CAMTA1: variants seen among roughly 807,000 people sequenced by gnomAD.
The protein encoded by CAMTA1 is calmodulin binding transcription activator 1.
Under a neutral mutation model 170.9 loss-of-function variants are expected in CAMTA1, and 27 were observed. The ratio of observed to expected loss-of-function variants is 0.16; its 90% CI spans 0.12 to 0.22. The LOEUF is 0.22. Among genes scored for constraint, CAMTA1 ranks in the 10% least tolerant of loss-of-function variants. CAMTA1 has a pLI of 1.00. For missense variants in CAMTA1, 1,619 were observed against 2,217.2 expected (o/e 0.73, Z 5.42); for synonymous variants, 833 against 891.5 (o/e 0.93, Z 1.17).
intron 5 of CAMTA1, among the ~76,000 whole-genome samples, chr1:7,283,780 C>A (rs969687652): frequency 2.0e-5 from 3 of 152,202 alleles, no homozygotes; most frequent in Non-Finnish European, 4.4e-5. Context: ...CTATCCATCT[C>A]CTTGGTCATC....
intron 5 of CAMTA1, among the ~76,000 whole-genome samples, chr1:7,423,095 C>A (rs1350868885): frequency 1.3e-5 from 2 of 152,186 alleles, no homozygotes; most frequent in East Asian, 3.9e-4. Context: ...AGTCTCAGGG[C>A]AAAAGAGCCC....
At chr1:7,380,266 G>A (rs773388007) in intron 5 of CAMTA1, among the ~76,000 whole-genome samples, 7 of 152,178 alleles carry the variant, frequency 4.6e-5, no homozygotes, top group Non-Finnish European at 1.0e-4. Flanking sequence ...CTCTCCTCTG[G>A]TATCCCAAGG....
intron 5 of CAMTA1, among the ~76,000 whole-genome samples, chr1:7,420,426 G>A (rs1439235692): frequency 6.6e-6 from 1 of 151,992 alleles, no homozygotes; most frequent in African/African-American, 2.4e-5. Flanking sequence ...GTGGAGCTTC[G>A]TGGGGCCACA....
At chr1:6,951,297 T>C (rs981902356) in intron 3 of CAMTA1, among the ~76,000 whole-genome samples, 2 of 152,182 alleles carry the variant, frequency 1.3e-5, no homozygotes, top group African/African-American at 2.4e-5. Context: ...AGGTATTGAA[T>C]CTTAGCTTTA....
chr1:7,087,720 CAT>C (rs1206695165), intron 3 of CAMTA1, among the ~76,000 whole-genome samples: 1 of 152,304 alleles, frequency 6.6e-6, no homozygotes, highest in East Asian at 1.9e-4. Context: ...GTTCCTATTT[CAT>C]AGTTTGTTAT....
At position 7,499,164 on chromosome 1, in the gene CAMTA1, G is replaced by A. The variant is rs1470616667; in HGVS notation, c.510+31263G>A. 7.7e-4 allele frequency among the ~76,000 whole-genome samples: 38 copies of A among 49,298 alleles called. 1 individual carries two copies. Among genetic ancestry groups the A allele is most frequent in the Admixed American group, 2.8e-3 (11 of 3,938 alleles). 32.3% of individuals were successfully genotyped at this position (49,298 alleles called of 152,430 possible). On this transcript the variant is annotated intron_variant, in intron 6 of 22. Coordinates refer to ENST00000303635, the MANE Select transcript of CAMTA1 (RefSeq NM_015215.4). ...CGTGTGTACGTATATGAGTGTGTGT[G>A]TGCATGTGTGTCCATGAGTGTGCAG...
In CAMTA1 at chr1:7,532,309, A is replaced by G. The variant is rs1196996546; in HGVS notation, c.510+64408A>G. Among the ~76,000 whole-genome samples the G allele has an allele frequency of 6.8e-6, 1 of 147,394 alleles. No individual in the cohort carries two copies. Among genetic ancestry groups the G allele is most frequent in the Non-Finnish European group, 1.5e-5 (1 of 66,432 alleles). On this transcript the variant is annotated intron_variant, in intron 6 of 22. Coordinates refer to ENST00000303635, the MANE Select transcript of CAMTA1 (RefSeq NM_015215.4). This position sits in a 1 kb window ranked among gnomAD's most constrained non-coding sequence, Gnocchi z 4.2. ...TTCTCAGCTTCTTTCATTTCTTTCT[A>G]TTTTTTTTTTAGAGACAGATTTCAC...
At chr1:7,747,187 C>T (rs757063818) in intron 18 of CAMTA1, among the ~76,000 whole-genome samples, 9 of 152,130 alleles carry the variant, frequency 5.9e-5, no homozygotes, top group African/African-American at 1.9e-4. Flanking sequence ...GCTAGGAGGT[C>T]GTGACCTAAA....
chr1:7,033,936 A>G (rs1244320366), intron 3 of CAMTA1, among the ~76,000 whole-genome samples: 5 of 152,010 alleles, frequency 3.3e-5, no homozygotes, highest in Non-Finnish European at 5.9e-5. Context: ...GAATGTGGTT[A>G]CATTATTTGG....
chr1:7,238,138 A>G (rs1664226579), intron 4 of CAMTA1, among the ~76,000 whole-genome samples: 1 of 150,986 alleles, frequency 6.6e-6, no homozygotes, highest in African/African-American at 2.4e-5. Context: ...TTCAACTTTA[A>G]TATGGTCAGT....
rs754158723 is a variant in CAMTA1, at chr1:7,664,819, A to G, written c.2272A>G (p.Met758Val). 4 of 1,613,254 alleles carry G rather than the reference A, an allele frequency of 2.5e-6. No individual in the cohort carries two copies. The highest frequency in any genetic ancestry group is 1.3e-5 in the African/African-American group (1 of 74,922). ...GCCCAGCCTCGGCAACGCCTCCAAC[A>G]TGGAGCTCAGCCTGGACCACTTTGA... ...AQPSLGNASN[M>V]ELSLDHFDIS... The change falls in exon 9 of 23, where the codon ATG becomes GTG. Residue 758 changes from methionine (M) to valine (V), a missense_variant. Met to Val is a conservative substitution (Grantham distance 21). Transcript: ENST00000303635.
At chr1:7,058,721 G>T (rs1405643316) in intron 3 of CAMTA1, among the ~76,000 whole-genome samples, 1 of 152,168 alleles carries the variant, frequency 6.6e-6, no homozygotes, top group Non-Finnish European at 1.5e-5. Flanking sequence ...TGAACATAGA[G>T]GCCAGGACTT....
At chr1:7,132,330 T>TGGTGTGTGATCATAGCTCACTGCAGC in intron 4 of CAMTA1, among the ~76,000 whole-genome samples, 1 of 152,268 alleles carries the variant, frequency 6.6e-6, no homozygotes, top group African/African-American at 2.4e-5. Flanking sequence ...TGGAGTGCAG[T>TGGTGTGTGATCATAGCTCACTGCAGC]GGTGTGTGAT....
At chr1:7,042,684 G>A (rs1243921751) in intron 3 of CAMTA1, among the ~76,000 whole-genome samples, 1 of 152,212 alleles carries the variant, frequency 6.6e-6, no homozygotes, top group Admixed American at 6.5e-5. Context: ...TGCTCTGGAA[G>A]CATCATCTGA....
intron 5 of CAMTA1, among the ~76,000 whole-genome samples, chr1:7,298,441 C>G (rs1674293772): frequency 6.6e-6 from 1 of 152,138 alleles, no homozygotes; most frequent in African/African-American, 2.4e-5. Flanking sequence ...TTTTTCTTGG[C>G]CATGAGCCAT....
chr1:6,842,339 C>T (rs1557677201), intron 3 of CAMTA1, among the ~76,000 whole-genome samples: 1 of 152,164 alleles, frequency 6.6e-6, no homozygotes, highest in Non-Finnish European at 1.5e-5. Flanking sequence ...TCAGAAGAGC[C>T]AGGCCTCCTC....
intron 3 of CAMTA1, among the ~76,000 whole-genome samples, chr1:6,953,089 T>G (rs1571994803): frequency 1.3e-5 from 2 of 152,194 alleles, no homozygotes; most frequent in South Asian, 4.1e-4. Flanking sequence ...TGTCAGCATT[T>G]CCCTCAGTTA....
chr1:7,141,972 G>A (rs559113627), intron 4 of CAMTA1, among the ~76,000 whole-genome samples: 1 of 152,340 alleles, frequency 6.6e-6, no homozygotes, highest in Non-Finnish European at 1.5e-5. Context: ...CCATGGCAGA[G>A]TTGGGTCCTC....
Position 7,122,414 on chromosome 1 carries a change from G to A in CAMTA1, c.302+31043G>A, listed in dbSNP as rs193017615. The stretch of plus-strand genomic sequence containing the variant: ...TGAAATGTAAGGAGTGTGCATATTC[G>A]TAGGGGGTGCCTGGCGATCAGAGCA... On this transcript the variant is annotated intron_variant, in intron 4 of 22. Coordinates refer to ENST00000303635, the MANE Select transcript of CAMTA1 (RefSeq NM_015215.4). Among the ~76,000 whole-genome samples, 9 of 152,152 alleles carry A rather than the reference G, an allele frequency of 5.9e-5. No homozygotes were observed. In the East Asian group the frequency reaches 1.4e-3, roughly 23 times the overall value.
Sources: gnomAD v4.1 joint callset for allele counts (sites outside exome capture counted in the v4.1 genomes callset) on GRCh38, gnomAD v4.1.1 for gene constraint, Gnocchi (gnomAD v3.1) non-coding constraint, MANE v1.5 for transcripts, NCBI Gene and HGNC (gene_info 2026-07-23, HGNC 2026-07-21) for gene names.